HPS1: variants seen among roughly 807,000 people sequenced by gnomAD.
HPS1 encodes BLOC-3 complex member HPS1.
A neutral mutation model predicts 90.6 loss-of-function variants in HPS1; 59 were observed. The ratio of observed to expected loss-of-function variants is 0.65; its 90% CI spans 0.53 to 0.81. The LOEUF (loss-of-function observed/expected upper bound fraction) is 0.81. HPS1 is among the 30% of genes least tolerant of loss of function. The pLI is 0.00. For synonymous variants in HPS1, 388 were observed against 384.4 expected (o/e 1.01, Z -0.11); for missense variants, 849 against 896.7 (o/e 0.95, Z 0.68).
rs1377462208 is a variant in HPS1 at position 98,435,195 on chromosome 10, C to T, written c.398+77G>A. 3 of 1,590,254 alleles carry T rather than the reference C, an allele frequency of 1.9e-6. No individual in the cohort carries two copies. The highest frequency in any genetic ancestry group is 2.6e-6 in the Non-Finnish European group (3 of 1,160,470). The stretch of plus-strand genomic sequence containing the variant: ...CAGTATGTGAAAAATGGCAGCTTCA[C>T]AGGGGCTGGGCACACGCTGCCTGGC... On this transcript the variant is annotated intron_variant, in intron 5 of 19. Transcript: ENST00000361490. The surrounding 1 kb of genome is among the most constrained non-coding windows in gnomAD (Gnocchi z 4.3).
intron 11 of HPS1, 25 bp from the exon 12 acceptor site, chr10:98,426,010 G>A (rs775420973): frequency 6.2e-7 from 1 of 1,611,166 alleles, no homozygotes; most frequent in South Asian, 1.1e-5. Context: ...GAGCTGCAGT[G>A]AGAGGTGGGA....
At chr10:98,428,170 C>T (rs2136178937) in intron 10 of HPS1, among the ~76,000 whole-genome samples, 1 of 152,314 alleles carries the variant, frequency 6.6e-6, no homozygotes, top group African/African-American at 2.4e-5. Context: ...CAGGAATGCA[C>T]AGGCATCAGT....
chr10:98,443,028 A>G (rs951955314), intron 3 of HPS1, 96 bp downstream of exon 3: 13 of 877,946 alleles, frequency 1.5e-5, no homozygotes, highest in Admixed American at 3.4e-5. Flanking sequence ...TGCCCAGGAC[A>G]GGGTGAACAC....
rs369658421 is a variant in HPS1 at position 98,423,673 on chromosome 10, C to G, written c.1533-5G>C. 2.6e-4 allele frequency: 422 copies of G among 1,613,922 alleles called. 1 individual carries two copies. The highest frequency in any genetic ancestry group is 3.4e-4 in the Non-Finnish European group (404 of 1,179,996). ...TTCCAGTCCGTCAGCTTCTCCCTGC[C>G]GAGGGAAGCTCGGGCTGCGTGAAGG... On this transcript the variant is annotated splice_region_variant and splice_polypyrimidine_tract_variant and intron_variant, in intron 15 of 19. Transcript: ENST00000361490.
At position 98,416,950 on chromosome 10, in the gene HPS1, T is replaced by A. The variant is rs1363589110; in HGVS notation, c.*614A>T. The A allele has an allele frequency of 6.6e-6, 1 of 152,350 alleles. No homozygotes were observed. The highest frequency in any genetic ancestry group is 6.5e-5 in the Admixed American group (1 of 15,282). 9.4% of individuals were successfully genotyped at this position (152,350 alleles called of 1,614,324 possible). A position where few individuals can be genotyped will look rare whatever the true frequency, so the allele number is the denominator to read the frequency against. ...CCCTAGGGCAGACGCCAGCCAAGCATGAAGGGGCTGGGACTTAGCAAGGGC... is the reference window on the plus strand; with the variant it reads ...CCCTAGGGCAGACGCCAGCCAAGCAAGAAGGGGCTGGGACTTAGCAAGGGC... On this transcript the variant is annotated 3_prime_UTR_variant, in exon 20 of 20. Coordinates refer to ENST00000361490, the MANE Select transcript of HPS1 (RefSeq NM_000195.5).
Position 98,431,215 on chromosome 10 carries a change from A to G in HPS1, c.584T>C (p.Val195Ala). Residue 195 changes from valine to alanine, a missense_variant, in exon 7 of 20, where the codon GTC (valine) becomes GCC (alanine). Coordinates refer to ENST00000361490, the MANE Select transcript of HPS1 (RefSeq NM_000195.5). ...GCCTCCCCGCTCGGGGCTGGTGTTGACAGCCTGGATGACGTGCCGCTCCAG... is the reference window on the plus strand; with the variant it reads ...GCCTCCCCGCTCGGGGCTGGTGTTGGCAGCCTGGATGACGTGCCGCTCCAG... ...EALERHVIQA[V>A]NTSPERGGEE... 6.2e-7 allele frequency: 1 copy of G among 1,614,088 alleles called. No individual in the cohort carries two copies. The highest frequency in any genetic ancestry group is 1.3e-5 in the African/African-American group (1 of 75,070).
chr10:98,421,551 G>A (rs1844848562), intron 17 of HPS1, among the ~76,000 whole-genome samples: 1 of 152,146 alleles, frequency 6.6e-6, no homozygotes, highest in African/African-American at 2.4e-5. Context: ...TAGCAAAGTT[G>A]CACATACAGA....
At chr10:98,430,058 G>A (rs527294915) in intron 8 of HPS1, among the ~76,000 whole-genome samples, 169 bp from the exon 9 acceptor site, 26 of 152,282 alleles carry the variant, frequency 1.7e-4, no homozygotes, top group African/African-American at 5.8e-4. Context: ...TCGATTCTAG[G>A]CGGTCTGTTC....
At chr10:98,434,945 T>C in intron 5 of HPS1, 1 of 391,536 alleles carries the variant, frequency 2.6e-6, no homozygotes, top group Non-Finnish European at 4.9e-6. Flanking sequence ...TCAGACCAGA[T>C]TTGTAATGAC....
intron 3 of HPS1, among the ~76,000 whole-genome samples, chr10:98,441,790 A>G (rs1391644176): frequency 1.3e-5 from 2 of 152,244 alleles, no homozygotes; most frequent in Non-Finnish European, 2.9e-5. Flanking sequence ...GTGAGATTCT[A>G]GTGAACATCT....
In HPS1 at chr10:98,429,811, C is replaced by A. The variant is rs11592273; in HGVS notation, c.847G>T (p.Gly283Trp). ...AWSPHSTGPT[G>W]GSSAETETDS... ...CACACCGTCTCTGCAGAGCTCCCCC[C>A]AGTTGGGCCCGTGGAGTGAGGGCTC... The change falls in exon 9 of 20, where the codon GGG becomes TGG. Residue 283 changes from glycine to tryptophan, a missense_variant. Transcript: ENST00000361490. The A allele has an allele frequency of 0.066, 106,846 of 1,613,760 alleles. 4,014 individuals are homozygous for A. The highest frequency in any genetic ancestry group is 0.079 in the Non-Finnish European group (93,308 of 1,179,972).
At chr10:98,437,362 T>G (rs1847488962) in intron 3 of HPS1, among the ~76,000 whole-genome samples, 2 of 152,220 alleles carry the variant, frequency 1.3e-5, no homozygotes, top group African/African-American at 2.4e-5. Flanking sequence ...ATTTTATTAA[T>G]AGAGAAGTCA....
At chr10:98,418,151 C>G in intron 19 of HPS1, 24 bp downstream of exon 19, 1 of 1,524,496 alleles carries the variant, frequency 6.6e-7, no homozygotes. Flanking sequence ...CATCTGTCCC[C>G]AGTGGCTCCC....
rs775529643 is a variant in HPS1, at chr10:98,420,110, T to C, written c.1792A>G (p.Thr598Ala). ...TCCCCCTCCTGGAACAGCAGCGTGG[T>C]GTAGCCCTTCTGCAGGTATCTGCGC... ...LARRYLQKGY[T>A]TLLFQEGDFY... Residue 598 changes from threonine (T) to alanine (A), a missense_variant, in exon 18 of 20, where the codon ACC becomes GCC. Transcript: ENST00000361490. 22 of 1,614,074 alleles carry C rather than the reference T, an allele frequency of 1.4e-5. No individual in the cohort carries two copies. The highest frequency in any genetic ancestry group is 1.9e-5 in the Non-Finnish European group (22 of 1,179,956).
chr10:98,421,249 C>T (rs1342412454), intron 17 of HPS1, among the ~76,000 whole-genome samples: 15 of 152,244 alleles, frequency 9.9e-5, no homozygotes, highest in Non-Finnish European at 2.9e-5. Context: ...CAACATCCAT[C>T]AATAATCTTA....
At chr10:98,437,619 T>G (rs929491408) in intron 3 of HPS1, among the ~76,000 whole-genome samples, 1 of 152,270 alleles carries the variant, frequency 6.6e-6, no homozygotes, top group Admixed American at 6.5e-5. Context: ...CAGGCCATAC[T>G]GTACAGCCTA....
chr10:98,426,814 C>T (rs1466363001), intron 11 of HPS1, among the ~76,000 whole-genome samples: 2 of 151,226 alleles, frequency 1.3e-5, no homozygotes, highest in African/African-American at 4.9e-5. Context: ...AAGGAAACAC[C>T]CCAAGATGTT....
rs281865081 is a variant in HPS1 at position 98,427,239 on chromosome 10, GC to G, written c.962del (p.Gly321AlafsTer10). 4 of 1,550,614 alleles carry G rather than the reference GC, an allele frequency of 2.6e-6. No individual in the cohort carries two copies. The highest frequency in any genetic ancestry group is 1.2e-5 in the South Asian group (1 of 84,036). ...SSGSTIWLEG[G>X]TPPMDALQIA... ...CCTGAAGGGCATCCATGGGGGGGGT[GC>G]CCCCCTCCAGCCAGATGGTGCTACC... On this transcript the variant is annotated frameshift_variant, in exon 11 of 20. Transcript: ENST00000361490. LOFTEE classifies it high-confidence loss of function.
At chr10:98,442,970 G>A (rs1938712869) in intron 3 of HPS1, 154 bp downstream of exon 3, 1 of 744,608 alleles carries the variant, frequency 1.3e-6, no homozygotes, top group Non-Finnish European at 2.5e-6. Flanking sequence ...TGAGGATAAG[G>A]GTCTAGGTGT....
Sources: gnomAD v4.1 joint callset for allele counts (sites outside exome capture counted in the v4.1 genomes callset) on GRCh38, gnomAD v4.1.1 for gene constraint, Gnocchi (gnomAD v3.1) non-coding constraint, MANE v1.5 for transcripts, NCBI Gene and HGNC (gene_info 2026-07-23, HGNC 2026-07-21) for gene names.